DMD: variants seen among roughly 807,000 people sequenced by gnomAD.
DMD encodes dystrophin.
Under a neutral mutation model 330.1 loss-of-function variants are expected in DMD, and 63 were observed. That is an observed-to-expected ratio of 0.19 (90% CI 0.16 to 0.24). The LOEUF is 0.24. Ranked by LOEUF, DMD falls within the 10% of genes least tolerant of loss-of-function variation. The probability of loss-of-function intolerance (pLI) is 1.00; values close to 1 mark genes in which losing one functional copy is unlikely to be tolerated. For missense variants in DMD, 3,344 were observed against 2,684.1 expected, an observed-to-expected ratio of 1.25 and a Z score of -5.43; for synonymous variants, 1,223 against 959.8, an observed-to-expected ratio of 1.27 and a Z score of -5.07.
chrX:31,331,190 C>G (rs2057103350), intron 61 of DMD, among the ~76,000 whole-genome samples: 1 of 111,638 alleles, frequency 9.0e-6, no homozygotes, highest in South Asian at 3.8e-4. Context: ...AGCTGTCAGA[C>G]AGATAATGCT....
intron 2 of DMD, among the ~76,000 whole-genome samples, chrX:32,888,950 T>C (rs773539676): frequency 9.9e-5 from 11 of 110,631 alleles, no homozygotes; most frequent in Non-Finnish European, 1.9e-4. Context: ...ATGTGAAATA[T>C]AGACACTATT....
chrX:31,590,092 A>C (rs1425827034), intron 55 of DMD, among the ~76,000 whole-genome samples: 1 of 111,276 alleles, frequency 9.0e-6, no homozygotes, highest in Non-Finnish European at 1.9e-5. Context: ...TTAGCCTAGG[A>C]AATTAATTAT....
chrX:32,277,065 C>G (rs944292367), intron 43 of DMD, among the ~76,000 whole-genome samples: 9 of 111,926 alleles, frequency 8.0e-5, no homozygotes, highest in Non-Finnish European at 7.5e-5. Flanking sequence ...TAAAGCTACA[C>G]ACAGACTGGA....
intron 54 of DMD, among the ~76,000 whole-genome samples, chrX:31,648,650 A>T (rs1434163301): frequency 2.5e-5 from 2 of 80,190 alleles, no homozygotes; most frequent in African/African-American, 9.6e-5. Context: ...AAAAAAAAAA[A>T]AAAAAAAAAA....
chrX:32,737,970 A>T (rs1253400155), intron 7 of DMD, among the ~76,000 whole-genome samples: 1 of 112,039 alleles, frequency 8.9e-6, no homozygotes, highest in East Asian at 2.8e-4. Flanking sequence ...TTAAAGCATT[A>T]CTAGGAGATT....
chrX:32,032,888 A>C (rs2095896933), intron 44 of DMD, among the ~76,000 whole-genome samples: 1 of 112,178 alleles, frequency 8.9e-6, no homozygotes, highest in African/African-American at 3.2e-5. Flanking sequence ...TGGGGCGACC[A>C]GATCTATGTG....
At chrX:33,018,335 G>A (rs1031050359) in intron 2 of DMD, among the ~76,000 whole-genome samples, 2 of 111,396 alleles carry the variant, frequency 1.8e-5, no homozygotes, top group African/African-American at 3.3e-5. Flanking sequence ...TATTTTGGAA[G>A]AAAACAATAA....
rs187899885 is a variant in DMD, at chrX:31,165,382, A to C, written c.10553+4061T>G. ...CTCGTGTTATATAACATCTACTAAC[A>C]ACTTTAACTTTAGACTTTATGGTGA... On this transcript the variant is annotated intron_variant, in intron 74 of 78. Coordinates refer to ENST00000357033, the MANE Select transcript of DMD (RefSeq NM_004006.3). Among the ~76,000 whole-genome samples the C allele has an allele frequency of 1.0e-3, 112 of 112,400 alleles. 1 individual carries two copies. The highest frequency in any genetic ancestry group is 3.5e-3 in the African/African-American group (109 of 30,991).
Position 32,816,470 on chromosome X carries a change from A to T in DMD, c.528T>A (p.His176Gln). The T allele has an allele frequency of 8.3e-7, 1 of 1,210,786 alleles. No homozygotes were observed. Residue 176 changes from histidine (H) to glutamine (Q), a missense_variant and splice_region_variant, in exon 6 of 79, where the codon CAT becomes CAA. His to Gln is a conservative substitution (Grantham distance 24). Transcript: ENST00000357033. The part of the protein sequence containing the change: ...GLALNALIHS[H>Q]RPDLFDWNSV... ...TAATGTCTCAGTAATCTTCTTACCT[A>T]TGACTATGGATGAGAGCATTCAAAG...
chrX:32,344,456 T>C (rs2097757642), intron 39 of DMD, among the ~76,000 whole-genome samples: 1 of 111,712 alleles, frequency 9.0e-6, no homozygotes, highest in African/African-American at 3.2e-5. Context: ...CATTTCATTA[T>C]CTAGTTTGTT....
chrX:32,172,156 T>C (rs2096889936), intron 44 of DMD, among the ~76,000 whole-genome samples: 1 of 111,770 alleles, frequency 8.9e-6, no homozygotes, highest in African/African-American at 3.2e-5. Flanking sequence ...GTTTCAGAAA[T>C]AAGAAAAGCG....
intron 62 of DMD, among the ~76,000 whole-genome samples, chrX:31,297,402 C>T (rs994368178): frequency 1.2e-4 from 13 of 110,955 alleles, no homozygotes; most frequent in African/African-American, 4.2e-4. Context: ...TCATATAAAT[C>T]TTGAAACTTA....
At chrX:33,028,852 T>A (rs1028989583) in intron 1 of DMD, among the ~76,000 whole-genome samples, 1 of 112,214 alleles carries the variant, frequency 8.9e-6, no homozygotes, top group Non-Finnish European at 1.9e-5. Context: ...TATCTCATCT[T>A]GCTTACACTC....
intron 1 of DMD, among the ~76,000 whole-genome samples, chrX:33,114,396 C>T (rs2095365887): frequency 9.0e-6 from 1 of 110,946 alleles, no homozygotes; most frequent in Non-Finnish European, 1.9e-5. Flanking sequence ...AGGTGTGAGC[C>T]ACCACCGTGC....
intron 34 of DMD, among the ~76,000 whole-genome samples, chrX:32,377,018 T>C (rs904216276): frequency 8.9e-6 from 1 of 111,746 alleles, no homozygotes; most frequent in Non-Finnish European, 1.9e-5. Context: ...ATGAAATATA[T>C]ATTACTATAG....
intron 62 of DMD, among the ~76,000 whole-genome samples, chrX:31,284,516 G>T (rs1015695956): frequency 9.3e-6 from 1 of 107,004 alleles, no homozygotes; most frequent in Non-Finnish European, 1.9e-5. Flanking sequence ...GATCAGAAAG[G>T]AAACACAAAC....
intron 74 of DMD, among the ~76,000 whole-genome samples, chrX:31,156,630 T>C (rs980705106): frequency 4.5e-4 from 50 of 112,356 alleles, no homozygotes; most frequent in African/African-American, 1.5e-3. Flanking sequence ...CGACATTCTA[T>C]ATGTCAAACT....
intron 1 of DMD, among the ~76,000 whole-genome samples, chrX:33,163,450 C>G (rs910854277): frequency 1.8e-5 from 2 of 108,507 alleles, no homozygotes; most frequent in Non-Finnish European, 3.8e-5. Context: ...GCAGGAGAAT[C>G]GCTAGAACCC....
At chrX:32,621,031 T>A (rs2057948511) in intron 11 of DMD, among the ~76,000 whole-genome samples, 1 of 111,233 alleles carries the variant, frequency 9.0e-6, no homozygotes, top group African/African-American at 3.3e-5. Context: ...TTGGAGTTTA[T>A]ATGGATGGCG....
Sources: allele counts gnomAD v4.1 joint callset (sites outside exome capture counted in the v4.1 genomes callset), GRCh38; gene constraint gnomAD v4.1.1; transcripts MANE v1.5; gene names NCBI Gene and HGNC (gene_info 2026-07-23, HGNC 2026-07-21).